Variants in GNL3L observed in about 807,000 individuals in gnomAD.
The protein encoded by GNL3L is G protein nucleolar 3 like.
GNL3L carries 4 observed loss-of-function variants against 42.9 expected under a neutral mutation model. That is an observed-to-expected ratio of 0.09 (90% CI 0.05 to 0.21). GNL3L has a LOEUF of 0.21. GNL3L is among the 10% of genes least tolerant of loss of function. The pLI is 1.00. For missense variants in GNL3L, 412 were observed against 481.7 expected (o/e 0.86, Z 1.36); for synonymous variants, 159 against 176.3 (o/e 0.90, Z 0.78).
chrX:54,618,395 T>C (rs1926246771), intron 16 of GNL3L, among the ~76,000 whole-genome samples: 1 of 111,731 alleles, frequency 9.0e-6, no homozygotes, highest in African/African-American at 3.3e-5. Context: ...GAGTCAGCCC[T>C]TTCCTTCGAA....
At chrX:54,634,643 TA>T in the GNL3L span, among the ~76,000 whole-genome samples, 1 of 86,697 alleles carries the variant, frequency 1.2e-5, no homozygotes, top group Non-Finnish European at 2.0e-5. Flanking sequence ...CAAGCCTGGC[TA>T]ATTTTTTTTT....
chrX:54,606,346 A>G (rs1217025352), intron 16 of GNL3L, among the ~76,000 whole-genome samples: 2 of 111,554 alleles, frequency 1.8e-5, no homozygotes, highest in Non-Finnish European at 3.8e-5. Flanking sequence ...AGATGAGTAT[A>G]TACTATTTGA....
rs374083839 is a variant in GNL3L at position 54,543,310 on chromosome X, A to G, written c.494A>G (p.Asn165Ser). 2 of 1,209,268 alleles carry G rather than the reference A, an allele frequency of 1.7e-6. No individual in the cohort carries two copies. Among genetic ancestry groups the G allele is most frequent in the Non-Finnish European group, 2.2e-6 (2 of 894,975 alleles). The change falls in exon 7 of 16, where the codon AAC (asparagine) becomes AGC (serine). Residue 165 changes from asparagine to serine, a missense_variant. Asn to Ser is a conservative substitution (Grantham distance 46). Transcript: ENST00000360845. ...MEEAVLRAQG[N>S]KKLVLVLNKI... is the part of the protein sequence containing the mutation. ...GAGGCTGTCCTGCGAGCACAAGGCA[A>G]CAAGAAGCTGGTCCTGGTCTTGAAC...
chrX:54,557,986 C>T (rs1259191191), intron 14 of GNL3L, among the ~76,000 whole-genome samples: 8 of 109,816 alleles, frequency 7.3e-5, no homozygotes, highest in Non-Finnish European at 1.5e-4. Context: ...CAGGTTCAAG[C>T]GATTCTCTTG....
chrX:54,541,526 C>T (rs1031891880), intron 5 of GNL3L, 137 bp downstream of exon 5: 24 of 268,125 alleles, frequency 9.0e-5, no homozygotes, highest in African/African-American at 3.8e-4. Flanking sequence ...ACCATGGGGA[C>T]GGACGAAGGG....
chrX:54,634,333 C>A, the GNL3L span, among the ~76,000 whole-genome samples: 1 of 111,731 alleles, frequency 9.0e-6, no homozygotes, highest in East Asian at 2.8e-4. Context: ...TGGAGTTTCA[C>A]TCTTGTTACC....
At chrX:54,630,765 T>TCTTTCC in the GNL3L span, among the ~76,000 whole-genome samples, 1 of 97,649 alleles carries the variant, frequency 1.0e-5, no homozygotes, top group Admixed American at 1.2e-4. Flanking sequence ...TCTTTCCCTT[T>TCTTTCC]CTTTCTTTCT....
downstream of GNL3L, among the ~76,000 whole-genome samples, chrX:54,624,438 CTTTTTTT>C (rs761943977): frequency 3.6e-5 from 3 of 82,475 alleles, no homozygotes; most frequent in East Asian, 7.1e-4. Context: ...TTTTCTTTTT[CTTTTTTT>C]TTTTTTTTTT....
At position 54,562,934 on chromosome X, in the gene GNL3L, G is replaced by T. The variant is rs957098289; in HGVS notation, c.*2332G>T. On this transcript the variant is annotated 3_prime_UTR_variant, in exon 16 of 16. Coordinates refer to ENST00000360845, the MANE Select transcript of GNL3L (RefSeq NM_001184819.2). ...TTGTACTGCCTCCTTAACAAAGGAAGATTGATTAAGCCCCTACTTTGTGCC... is the reference window on the plus strand; with the variant it reads ...TTGTACTGCCTCCTTAACAAAGGAATATTGATTAAGCCCCTACTTTGTGCC... Among the ~76,000 whole-genome samples, 5 of 111,664 alleles carry T rather than the reference G, an allele frequency of 4.5e-5. No individual in the cohort carries two copies. Among genetic ancestry groups the T allele is most frequent in the Non-Finnish European group, 9.4e-5 (5 of 53,193 alleles).
At chrX:54,576,319 G>A (rs757672082) in intron 16 of GNL3L, among the ~76,000 whole-genome samples, 14 of 111,095 alleles carry the variant, frequency 1.3e-4, no homozygotes, top group African/African-American at 4.2e-4. Context: ...TTTGTTTCAC[G>A]TTAGTAAAAC....
At chrX:54,532,048 C>T (rs989620194) in intron 1 of GNL3L, among the ~76,000 whole-genome samples, 2 of 110,882 alleles carry the variant, frequency 1.8e-5, no homozygotes, top group Non-Finnish European at 3.8e-5. Context: ...CGCCCTTCCC[C>T]ACCACCTCTC....
At chrX:54,642,580 C>T in the GNL3L span, among the ~76,000 whole-genome samples, 1 of 110,604 alleles carries the variant, frequency 9.0e-6, no homozygotes, top group East Asian at 2.8e-4. Flanking sequence ...ACAGAGAGTC[C>T]CTTCTCTTTG....
Position 54,565,550 on chromosome X carries a change from G to T in GNL3L, c.*4948G>T, listed in dbSNP as rs953477441. On this transcript the variant is annotated 3_prime_UTR_variant, in exon 16 of 16. Coordinates refer to ENST00000360845, the MANE Select transcript of GNL3L (RefSeq NM_001184819.2). ...GGGTCTCACTGTGTTGACCAGGATGGTCTTGAACTGCTGGCCTCAAGTAAT... is the reference window on the plus strand; with the variant it reads ...GGGTCTCACTGTGTTGACCAGGATGTTCTTGAACTGCTGGCCTCAAGTAAT... Among the ~76,000 whole-genome samples the T allele has an allele frequency of 1.8e-5, 2 of 110,399 alleles. No homozygotes were observed. Among genetic ancestry groups the T allele is most frequent in the African/African-American group, 3.3e-5 (1 of 30,381 alleles).
Position 54,562,355 on chromosome X carries a change from C to A in GNL3L, c.*1753C>A, listed in dbSNP as rs1052412925. Among the ~76,000 whole-genome samples, 1 of 112,137 alleles carries A rather than the reference C, an allele frequency of 8.9e-6. No homozygotes were observed. Among genetic ancestry groups the A allele is most frequent in the Non-Finnish European group, 1.9e-5 (1 of 53,186 alleles). Reference sequence around the variant, plus strand: ...GCCACTGTGCCCAGCCTCACAGCTGCATCTTAACCTTACCTTTGCCTCTGC... The same window carrying A: ...GCCACTGTGCCCAGCCTCACAGCTGAATCTTAACCTTACCTTTGCCTCTGC... On this transcript the variant is annotated 3_prime_UTR_variant, in exon 16 of 16. Transcript: ENST00000360845.
chrX:54,590,817 T>TATTTATTC (rs1925862005), intron 16 of GNL3L, among the ~76,000 whole-genome samples: 2 of 110,352 alleles, frequency 1.8e-5, no homozygotes, highest in African/African-American at 6.6e-5. Context: ...TTTATTTATT[T>TATTTATTC]ATTCATTCAT....
At chrX:54,623,926 T>G (rs1201355420), downstream of GNL3L, among the ~76,000 whole-genome samples, 2 of 110,656 alleles carry the variant, frequency 1.8e-5, no homozygotes, top group Non-Finnish European at 3.8e-5. Context: ...TTGGGATTTT[T>G]TTTTTTTCCC....
intron 16 of GNL3L, among the ~76,000 whole-genome samples, chrX:54,573,165 A>C (rs1410021843): frequency 8.9e-6 from 1 of 111,845 alleles, no homozygotes; most frequent in Non-Finnish European, 1.9e-5. Flanking sequence ...AGAGGCTGCA[A>C]TCTCGGCACT....
At chrX:54,558,981 C>G (rs1257569891) in intron 15 of GNL3L, among the ~76,000 whole-genome samples, 1 of 112,021 alleles carries the variant, frequency 8.9e-6, no homozygotes, top group Non-Finnish European at 1.9e-5. Context: ...GATTGGGGCT[C>G]CTGAATGAGT....
chrX:54,572,944 G>A (rs1299928387), intron 16 of GNL3L, among the ~76,000 whole-genome samples: 2 of 108,624 alleles, frequency 1.8e-5, no homozygotes. Flanking sequence ...CATCCCAGAC[G>A]ATGGGCGGCC....
Sources: allele counts gnomAD v4.1 joint callset (sites outside exome capture counted in the v4.1 genomes callset), GRCh38; gene constraint gnomAD v4.1.1; transcripts MANE v1.5; gene names NCBI Gene and HGNC (gene_info 2026-07-23, HGNC 2026-07-21).